TIAM1: variants seen among roughly 807,000 people sequenced by gnomAD.
TIAM1 encodes the protein rho guanine nucleotide exchange factor TIAM1.
TIAM1 carries 65 observed loss-of-function variants against 163.5 expected under a neutral mutation model. The observed-to-expected ratio is 0.40, with a 90% CI of 0.33 to 0.49. The LOEUF (loss-of-function observed/expected upper bound fraction) is 0.49. Among genes scored for constraint, TIAM1 ranks in the 20% least tolerant of loss-of-function variants. The pLI is 0.77. For synonymous variants in TIAM1, 833 were observed against 810.1 expected (o/e 1.03, Z -0.48); for missense variants, 1,789 against 2,044.7 (o/e 0.87, Z 2.41).
chr21:31,396,298 G>T (rs915240767), intron 2 of TIAM1, among the ~76,000 whole-genome samples: 2 of 152,054 alleles, frequency 1.3e-5, no homozygotes, highest in Non-Finnish European at 1.5e-5. Flanking sequence ...CCTTTCCCAC[G>T]CATGCCTCCT....
chr21:31,223,269 C>T (rs1254410004), intron 8 of TIAM1, 137 bp downstream of exon 8: 19 of 892,508 alleles, frequency 2.1e-5, no homozygotes, highest in Non-Finnish European at 3.0e-5. Context: ...AATTTGCATC[C>T]ACTGCAAAGG....
intron 1 of TIAM1, among the ~76,000 whole-genome samples, chr21:31,502,166 G>A (rs1261590899): frequency 1.3e-5 from 2 of 152,042 alleles, no homozygotes; most frequent in Admixed American, 6.5e-5. Context: ...AAACCAGTCC[G>A]CCAAGTAACA....
chr21:31,539,297 G>A (rs1176549524), intron 1 of TIAM1, among the ~76,000 whole-genome samples: 11 of 147,752 alleles, frequency 7.4e-5, no homozygotes, highest in Admixed American at 5.3e-4. Context: ...ACAGAGTCCC[G>A]CTCTGTGGCC....
intron 1 of TIAM1, among the ~76,000 whole-genome samples, chr21:31,482,434 G>T (rs966799260): frequency 6.6e-6 from 1 of 152,112 alleles, no homozygotes; most frequent in African/African-American, 2.4e-5. Flanking sequence ...TTACAGGCAC[G>T]CACCTGGCCC....
intron 2 of TIAM1, among the ~76,000 whole-genome samples, chr21:31,304,988 C>A (rs1163044536): frequency 6.6e-6 from 1 of 152,166 alleles, no homozygotes; most frequent in African/African-American, 2.4e-5. Context: ...CCCACCACAC[C>A]CAGCCCATTG....
chr21:31,368,543 C>G (rs182522226), intron 2 of TIAM1, among the ~76,000 whole-genome samples: 1 of 152,066 alleles, frequency 6.6e-6, no homozygotes, highest in African/African-American at 2.4e-5. Flanking sequence ...CTAAAAATAG[C>G]GACCAAACTT....
chr21:31,184,388 G>A (rs1249033840), intron 14 of TIAM1, among the ~76,000 whole-genome samples: 1 of 151,542 alleles, frequency 6.6e-6, no homozygotes, highest in Non-Finnish European at 1.5e-5. Flanking sequence ...TTACAGGTGT[G>A]AGCCACCGTG....
intron 1 of TIAM1, among the ~76,000 whole-genome samples, chr21:31,555,201 T>C (rs1444581216): frequency 6.6e-6 from 1 of 151,416 alleles, no homozygotes; most frequent in African/African-American, 2.4e-5. Flanking sequence ...TTTTTTTTTT[T>C]ACACAGGAGT....
chr21:31,152,116 T>C (rs2083405604), intron 19 of TIAM1, among the ~76,000 whole-genome samples: 1 of 143,464 alleles, frequency 7.0e-6, no homozygotes, highest in African/African-American at 2.6e-5. Context: ...CACTGCAACC[T>C]CTGCATCTCA....
chr21:31,142,340 G>A (rs1028687421), intron 20 of TIAM1, among the ~76,000 whole-genome samples: 21 of 151,784 alleles, frequency 1.4e-4, no homozygotes, highest in Admixed American at 1.3e-4. Flanking sequence ...CAAGCATGCC[G>A]TGCACAGTGG....
chr21:31,397,034 C>T (rs142664687), intron 2 of TIAM1, among the ~76,000 whole-genome samples: 643 of 152,180 alleles, frequency 4.2e-3, no homozygotes, highest in African/African-American at 0.015. Flanking sequence ...ATCCTTCGAT[C>T]GCTGTGATAT....
intron 2 of TIAM1, among the ~76,000 whole-genome samples, chr21:31,433,292 A>G (rs1338180951): frequency 6.6e-6 from 1 of 152,214 alleles, no homozygotes; most frequent in Non-Finnish European, 1.5e-5. Context: ...AGCTATGCAG[A>G]AGAGCTAAGT....
intron 6 of TIAM1, among the ~76,000 whole-genome samples, chr21:31,240,497 C>A (rs1315832244): frequency 1.3e-5 from 2 of 152,140 alleles, no homozygotes; most frequent in African/African-American, 4.8e-5. Flanking sequence ...GAACAACCTT[C>A]CTCAAGTCTG....
intron 1 of TIAM1, among the ~76,000 whole-genome samples, chr21:31,471,434 C>A (rs1261069802): frequency 6.6e-6 from 1 of 151,836 alleles, no homozygotes; most frequent in Non-Finnish European, 1.5e-5. Flanking sequence ...CCAGTAAATG[C>A]CTTCAGATGT....
chr21:31,244,855 A>G (rs1322214342), intron 6 of TIAM1, among the ~76,000 whole-genome samples: 1 of 152,252 alleles, frequency 6.6e-6, no homozygotes, highest in Non-Finnish European at 1.5e-5. Context: ...GCCTTCCTAC[A>G]TAACAACACA....
chr21:31,141,415 G>A lies in TIAM1; in HGVS notation c.3565C>T (p.Pro1189Ser), dbSNP rs1427115418. 3 of 1,614,226 alleles carry A rather than the reference G, an allele frequency of 1.9e-6. No individual in the cohort carries two copies. Among genetic ancestry groups the A allele is most frequent in the Non-Finnish European group, 2.5e-6 (3 of 1,180,036 alleles). Residue 1189 changes from proline (P) to serine (S), a missense_variant, in exon 21 of 28, where the codon CCC (proline) becomes TCC (serine). Around this residue, in one of 5 missense-constraint regions of TIAM1, gnomAD observed 60 missense variants for 132.6 expected, o/e 0.45. Coordinates refer to ENST00000541036, the MANE Select transcript of TIAM1 (RefSeq NM_001353694.2). The surrounding 1 kb of genome is among the most constrained non-coding windows in gnomAD (Gnocchi z 4.7). Reference sequence around the variant, plus strand: ...GGGTACTTGAGGATCCTCTGGATGGGCTTGATGAGGTACGACTCCAGCGTG... The same window carrying A: ...GGGTACTTGAGGATCCTCTGGATGGACTTGATGAGGTACGACTCCAGCGTG... The part of the protein sequence containing the change: ...SSTLESYLIK[P>S]IQRILKYPLL...
At chr21:31,548,496 T>G (rs113955662) in intron 1 of TIAM1, among the ~76,000 whole-genome samples, 15,490 of 149,540 alleles carry the variant, frequency 0.1, 1,108 homozygotes, top group Admixed American at 0.17. Context: ...TGTTGTTTTT[T>G]TTTTTTTTTG....
intron 1 of TIAM1, among the ~76,000 whole-genome samples, chr21:31,497,199 T>C (rs897704140): frequency 4.6e-5 from 7 of 152,214 alleles, no homozygotes; most frequent in Non-Finnish European, 1.0e-4. Flanking sequence ...AAATACACCC[T>C]ATGTTGTCTG....
intron 9 of TIAM1, among the ~76,000 whole-genome samples, chr21:31,216,551 G>A (rs1023160415): frequency 3.3e-5 from 5 of 152,134 alleles, no homozygotes; most frequent in African/African-American, 4.8e-5. Flanking sequence ...AAAGCCGAAC[G>A]ACAAGGAAGA....
Sources: gnomAD v4.1 joint callset for allele counts (sites outside exome capture counted in the v4.1 genomes callset) on GRCh38, gnomAD v4.1.1 for gene constraint, gnomAD v4.1.1 regional missense constraint, Gnocchi (gnomAD v3.1) non-coding constraint, MANE v1.5 for transcripts, NCBI Gene and HGNC (gene_info 2026-07-23, HGNC 2026-07-21) for gene names.